RIMBP2: variants seen among roughly 807,000 people sequenced by gnomAD.
RIMBP2 encodes RIMS-binding protein 2.
A neutral mutation model predicts 118.6 loss-of-function variants in RIMBP2; 48 were observed. The observed-to-expected ratio is 0.40, with a 90% CI of 0.32 to 0.51. The LOEUF is 0.51. RIMBP2 is among the 20% of genes least tolerant of loss of function. RIMBP2 has a pLI of 0.41. For synonymous variants in RIMBP2, 762 were observed against 742.9 expected (o/e 1.03, Z -0.42); for missense variants, 1,551 against 1,768.3 (o/e 0.88, Z 2.20).
intron 2 of RIMBP2, among the ~76,000 whole-genome samples, chr12:130,531,275 A>G (rs1021015066): frequency 6.6e-6 from 1 of 152,240 alleles, no homozygotes; most frequent in African/African-American, 2.4e-5. Context: ...CTGTATAACC[A>G]TGACCCAGAT....
chr12:130,671,761 G>C (rs561022146), intron 1 of RIMBP2, among the ~76,000 whole-genome samples: 7 of 120,348 alleles, frequency 5.8e-5, no homozygotes. Context: ...ATTACCAATA[G>C]TCCCTGGGGG....
At chr12:130,595,051 G>T (rs2059473446) in intron 2 of RIMBP2, among the ~76,000 whole-genome samples, 1 of 152,172 alleles carries the variant, frequency 6.6e-6, no homozygotes, top group Non-Finnish European at 1.5e-5. Flanking sequence ...TATAAGATTG[G>T]CACTAGCAGA....
chr12:130,656,253 G>A (rs1167875688), intron 1 of RIMBP2, among the ~76,000 whole-genome samples: 2 of 152,156 alleles, frequency 1.3e-5, no homozygotes, highest in South Asian at 2.1e-4. Context: ...CCATCTGAGA[G>A]GCACCTTCCC....
At chr12:130,603,196 G>A (rs1692039295) in intron 2 of RIMBP2, among the ~76,000 whole-genome samples, 1 of 152,202 alleles carries the variant, frequency 6.6e-6, no homozygotes, top group African/African-American at 2.4e-5. Context: ...CCCATCAGAT[G>A]TGCACATTTT....
chr12:130,482,080 C>T (rs577012191), intron 4 of RIMBP2, among the ~76,000 whole-genome samples: 1 of 152,152 alleles, frequency 6.6e-6, no homozygotes, highest in Non-Finnish European at 1.5e-5. Context: ...ATTCCCCGAG[C>T]TCCTGAGACG....
intron 1 of RIMBP2, among the ~76,000 whole-genome samples, chr12:130,689,030 C>T (rs2136637801): frequency 6.6e-6 from 1 of 152,326 alleles, no homozygotes; most frequent in South Asian, 2.1e-4. Flanking sequence ...GATTTCATGG[C>T]TCCCTAATGG....
chr12:130,532,862 G>T (rs71468431), intron 2 of RIMBP2, among the ~76,000 whole-genome samples: 26 of 105,842 alleles, frequency 2.5e-4, no homozygotes, highest in South Asian at 1.0e-3. Context: ...CTCTAGGAGG[G>T]ACGTCTAATG....
intron 1 of RIMBP2, among the ~76,000 whole-genome samples, chr12:130,672,503 C>G (rs2064246686): frequency 6.6e-6 from 1 of 152,194 alleles, no homozygotes; most frequent in Admixed American, 6.5e-5. Context: ...CCTTGTGTCT[C>G]CCAGAACAGT....
Position 130,396,321 on chromosome 12 carries a change from C to G in RIMBP2, c.*1040G>C, listed in dbSNP as rs1478285600. The G allele has an allele frequency of 1.3e-5, 2 of 152,576 alleles. No individual in the cohort carries two copies. Among genetic ancestry groups the G allele is most frequent in the African/African-American group, 4.8e-5 (2 of 41,428 alleles). 9.5% of individuals were successfully genotyped at this position (152,576 alleles called of 1,614,324 possible). ...GAAAGCTTTGTCATTCATTTATAAACCGTCCATAAATTACAAAAGAAAGGC... is the reference window on the plus strand; with the variant it reads ...GAAAGCTTTGTCATTCATTTATAAAGCGTCCATAAATTACAAAAGAAAGGC... On this transcript the variant is annotated 3_prime_UTR_variant, in exon 23 of 23. Transcript: ENST00000690449.
At position 130,422,885 on chromosome 12, in the gene RIMBP2, C is replaced by T. The variant is rs79346294; in HGVS notation, c.3130-324G>A. On this transcript the variant is annotated intron_variant, in intron 16 of 22. Transcript: ENST00000690449. The surrounding 1 kb of genome is among the most constrained non-coding windows in gnomAD (Gnocchi z 5.2). ...ACAATGGCTTGAATACATCCCACCC[C>T]GCCTTGGCTCCTTGGAGCACCTGAG... Among the ~76,000 whole-genome samples the T allele has an allele frequency of 0.029, 4,378 of 152,222 alleles. 222 individuals are homozygous for T. Among genetic ancestry groups the T allele is most frequent in the African/African-American group, 0.099 (4,107 of 41,514 alleles).
chr12:130,565,689 T>C (rs1296865267), intron 2 of RIMBP2, among the ~76,000 whole-genome samples: 1 of 152,228 alleles, frequency 6.6e-6, no homozygotes, highest in Non-Finnish European at 1.5e-5. Context: ...TAAAATTATT[T>C]TGTAGCTCAG....
chr12:130,477,931 G>A (rs1224638986), intron 5 of RIMBP2, among the ~76,000 whole-genome samples: 3 of 152,208 alleles, frequency 2.0e-5, no homozygotes, highest in South Asian at 2.1e-4. Flanking sequence ...GGAGGAGAGG[G>A]CAGGGCTGGG....
intron 1 of RIMBP2, among the ~76,000 whole-genome samples, chr12:130,640,791 C>T (rs11829733): frequency 0.013 from 1,939 of 152,280 alleles, 38 homozygotes; most frequent in African/African-American, 0.045. Context: ...TGTGCCACCC[C>T]CTAAGTTAGA....
chr12:130,706,811 T>C (rs2066144290), intron 1 of RIMBP2, among the ~76,000 whole-genome samples: 1 of 152,124 alleles, frequency 6.6e-6, no homozygotes, highest in Non-Finnish European at 1.5e-5. Context: ...CAAACAGACT[T>C]ATCACCAAAA....
At chr12:130,489,998 C>A (rs1176367450) in intron 4 of RIMBP2, among the ~76,000 whole-genome samples, 1 of 151,938 alleles carries the variant, frequency 6.6e-6, no homozygotes, top group Non-Finnish European at 1.5e-5. Context: ...GTGGCAGGCA[C>A]CTGTAGTTCC....
At chr12:130,571,271 T>C (rs921887357) in intron 2 of RIMBP2, among the ~76,000 whole-genome samples, 1 of 152,004 alleles carries the variant, frequency 6.6e-6, no homozygotes, top group Non-Finnish European at 1.5e-5. Flanking sequence ...AAAACAGCCA[T>C]GCATGGGTCC....
intron 2 of RIMBP2, among the ~76,000 whole-genome samples, chr12:130,528,823 G>A (rs1263577147): frequency 6.6e-6 from 1 of 152,142 alleles, no homozygotes; most frequent in Non-Finnish European, 1.5e-5. Context: ...CAGCTGAGGA[G>A]GTCAAAAATG....
At chr12:130,486,898 A>G (rs1253818363) in intron 4 of RIMBP2, among the ~76,000 whole-genome samples, 1 of 150,090 alleles carries the variant, frequency 6.7e-6, no homozygotes, top group Non-Finnish European at 1.5e-5. Flanking sequence ...AGCTCCTCAG[A>G]GCCCTTTCTG....
chr12:130,424,273 TC>T lies in RIMBP2; in HGVS notation c.2997del (p.Lys1000SerfsTer21). The T allele has an allele frequency of 8.1e-7, 1 of 1,231,770 alleles. No individual in the cohort carries two copies. Among genetic ancestry groups the T allele is most frequent in the Non-Finnish European group, 1.0e-6 (1 of 987,872 alleles). 76.3% of individuals were successfully genotyped at this position (1,231,770 alleles called of 1,614,324 possible). On this transcript the variant is annotated frameshift_variant, in exon 16 of 23. Transcript: ENST00000690449. LOFTEE classifies it high-confidence loss of function. This position sits in a 1 kb window ranked among gnomAD's most constrained non-coding sequence, Gnocchi z 9.8. ...PQPGPERPPP[R>X]KHGWGEPTEH... ...TCGGTGGGCTCGCCCCAGCCGTGCT[TC>T]CTGGGGGGCGGCCTCTCCGGGCCGG...
Sources: gnomAD v4.1 joint callset for allele counts (sites outside exome capture counted in the v4.1 genomes callset) on GRCh38, gnomAD v4.1.1 for gene constraint, Gnocchi (gnomAD v3.1) non-coding constraint, MANE v1.5 for transcripts, NCBI Gene and HGNC (gene_info 2026-07-23, HGNC 2026-07-21) for gene names.